The following CLDN10 variants were observed in gnomAD, a reference collection of about 807,000 sequenced individuals.
CLDN10 encodes claudin 10.
Under a neutral mutation model 22.9 loss-of-function variants are expected in CLDN10, and 15 were observed. That is an observed-to-expected ratio of 0.65 (90% confidence interval 0.44 to 1.01). CLDN10 has a LOEUF of 1.01. Ranked by LOEUF, CLDN10 falls within the 50% of genes least tolerant of loss-of-function variation. The pLI is 0.00. For missense variants in CLDN10, 247 were observed against 287.8 expected (o/e 0.86, Z 1.03); for synonymous variants, 114 against 111.4 (o/e 1.02, Z -0.15).
At chr13:95,569,746 T>A (rs1261051827) in intron 3 of CLDN10, among the ~76,000 whole-genome samples, 1 of 152,178 alleles carries the variant, frequency 6.6e-6, no homozygotes, top group East Asian at 1.9e-4. Context: ...TCAGGTAGGT[T>A]ACTTGAAGAC....
chr13:95,434,826 C>T (rs1018847855), intron 1 of CLDN10, among the ~76,000 whole-genome samples: 2 of 151,940 alleles, frequency 1.3e-5, no homozygotes, highest in African/African-American at 4.8e-5. Flanking sequence ...TCCTAGATTC[C>T]TGATAACGAA....
At chr13:95,561,418 AT>A (rs1461717484) in intron 3 of CLDN10, among the ~76,000 whole-genome samples, 1 of 152,230 alleles carries the variant, frequency 6.6e-6, no homozygotes, top group Non-Finnish European at 1.5e-5. Flanking sequence ...AAATGCTTAT[AT>A]CATGAAATAA....
intron 3 of CLDN10, among the ~76,000 whole-genome samples, chr13:95,567,087 T>G (rs907483594): frequency 1.4e-4 from 22 of 152,182 alleles, no homozygotes; most frequent in Admixed American, 1.2e-3. Context: ...TTGCTTAGGA[T>G]TGTCTTGGCT....
chr13:95,519,848 A>T (rs1346340872), intron 1 of CLDN10, among the ~76,000 whole-genome samples: 2 of 152,262 alleles, frequency 1.3e-5, no homozygotes, highest in Non-Finnish European at 2.9e-5. Context: ...GGAAAGGGAG[A>T]GGAAAGCTTA....
intron 1 of CLDN10, among the ~76,000 whole-genome samples, chr13:95,513,216 C>T (rs754177444): frequency 3.9e-5 from 6 of 152,140 alleles, no homozygotes; most frequent in Admixed American, 3.9e-4. Flanking sequence ...TGGAACTTTC[C>T]TACCATTGTA....
intron 1 of CLDN10, among the ~76,000 whole-genome samples, chr13:95,535,530 T>G (rs1208885513): frequency 1.4e-5 from 2 of 145,734 alleles, no homozygotes; most frequent in African/African-American, 5.1e-5. Context: ...CAAACAAATA[T>G]GGTTCATGGT....
intron 1 of CLDN10, among the ~76,000 whole-genome samples, chr13:95,557,748 A>C (rs1566336301): frequency 6.6e-6 from 1 of 152,150 alleles, no homozygotes; most frequent in Non-Finnish European, 1.5e-5. Flanking sequence ...TCCTGCTGCC[A>C]ATACCAGGGC....
At chr13:95,553,797 G>C (rs888843253) in intron 1 of CLDN10, among the ~76,000 whole-genome samples, 11 of 152,212 alleles carry the variant, frequency 7.2e-5, no homozygotes, top group African/African-American at 2.7e-4. Context: ...GCTGGTAGCA[G>C]CTGGTGGATA....
chr13:95,504,285 T>C (rs8000535), intron 1 of CLDN10, among the ~76,000 whole-genome samples: 12,729 of 152,318 alleles, frequency 0.084, 562 homozygotes, highest in African/African-American at 0.089. Flanking sequence ...CTACATTTTT[T>C]ACTTCTGCAA....
intron 1 of CLDN10, among the ~76,000 whole-genome samples, chr13:95,453,066 TTTTGG>T (rs1382227621): frequency 6.6e-6 from 1 of 152,120 alleles, no homozygotes; most frequent in Non-Finnish European, 1.5e-5. Flanking sequence ...ATGCAATGGT[TTTTGG>T]TTTTGTTTTG....
At chr13:95,446,204 G>A (rs572427158) in intron 1 of CLDN10, among the ~76,000 whole-genome samples, 1 of 152,268 alleles carries the variant, frequency 6.6e-6, no homozygotes, top group East Asian at 1.9e-4. Context: ...GAGGTCGAGG[G>A]GGTTCTGCTA....
intron 1 of CLDN10, among the ~76,000 whole-genome samples, chr13:95,439,988 A>C (rs1163487691): frequency 6.6e-6 from 1 of 150,688 alleles, no homozygotes; most frequent in Non-Finnish European, 1.5e-5. Flanking sequence ...ATCCCAACTC[A>C]CCACAACCTC....
rs535638898 is a variant in CLDN10, at chr13:95,513,997, C to T, written c.215-46135C>T. ...CTATTACCAGGCATGGTGGCTCATG[C>T]CTATAATCCCAGCAATTTAGGAGGC... On this transcript the variant is annotated intron_variant, in intron 1 of 4. Coordinates refer to the CLDN10 transcript ENST00000376873. Among the ~76,000 whole-genome samples, 64 of 152,316 alleles carry T rather than the reference C, an allele frequency of 4.2e-4. 1 individual carries two copies. Among genetic ancestry groups the T allele is most frequent in the African/African-American group, 1.5e-3 (63 of 41,564 alleles).
intron 1 of CLDN10, among the ~76,000 whole-genome samples, chr13:95,518,632 G>T (rs1252388702): frequency 1.3e-5 from 2 of 152,074 alleles, no homozygotes; most frequent in African/African-American, 2.4e-5. Context: ...GGTGGCGCAT[G>T]CCTGTAATTC....
At chr13:95,486,798 G>A (rs1253779931) in intron 1 of CLDN10, among the ~76,000 whole-genome samples, 1 of 152,146 alleles carries the variant, frequency 6.6e-6, no homozygotes, top group Non-Finnish European at 1.5e-5. Flanking sequence ...CCTCCACCTG[G>A]CCACGTTGTG....
At chr13:95,544,420 TTGTC>T (rs751070271) in intron 1 of CLDN10, among the ~76,000 whole-genome samples, 3 of 152,200 alleles carry the variant, frequency 2.0e-5, no homozygotes, top group Non-Finnish European at 4.4e-5. Context: ...GCATGTTTGT[TTGTC>T]AGAAAGATTT....
At chr13:95,453,410 T>A (rs940132494) in intron 1 of CLDN10, among the ~76,000 whole-genome samples, 5 of 152,140 alleles carry the variant, frequency 3.3e-5, no homozygotes, top group Non-Finnish European at 5.9e-5. Flanking sequence ...GAGGCTGGGC[T>A]GGTGGCTCAA....
chr13:95,551,772 G>A (rs1420504381), upstream of CLDN10, among the ~76,000 whole-genome samples: 1 of 152,152 alleles, frequency 6.6e-6, no homozygotes, highest in Non-Finnish European at 1.5e-5. Context: ...CAGATTTGTG[G>A]CCTCAGGAGC....
At chr13:95,495,548 T>C (rs2042919732) in intron 1 of CLDN10, among the ~76,000 whole-genome samples, 1 of 151,108 alleles carries the variant, frequency 6.6e-6, no homozygotes. Flanking sequence ...ATCGAGGCCA[T>C]CCTGGCTAAC....
Sources: allele counts gnomAD v4.1 joint callset (sites outside exome capture counted in the v4.1 genomes callset), GRCh38; gene constraint gnomAD v4.1.1; transcripts MANE v1.5; gene names NCBI Gene and HGNC (gene_info 2026-07-23, HGNC 2026-07-21).